NCAN: variants seen among roughly 807,000 people sequenced by gnomAD.
The protein encoded by NCAN is neurocan.
Under a neutral mutation model 121.8 loss-of-function variants are expected in NCAN, and 47 were observed. The observed-to-expected ratio is 0.39, with a 90% CI of 0.31 to 0.49. The LOEUF (loss-of-function observed/expected upper bound fraction) is 0.49. Ranked by LOEUF, NCAN falls within the 20% of genes least tolerant of loss-of-function variation. NCAN has a pLI of 0.92. For missense variants in NCAN, 1,517 were observed against 1,773.4 expected, an observed-to-expected ratio of 0.86 and a Z score of 2.60; for synonymous variants, 633 against 702.0, an observed-to-expected ratio of 0.90 and a Z score of 1.55.
chr19:19,211,976 G>T lies in NCAN; in HGVS notation c.-96G>T. On this transcript the variant is annotated 5_prime_UTR_variant, in exon 1 of 15. Coordinates refer to ENST00000252575, the MANE Select transcript of NCAN (RefSeq NM_004386.3). ...GGCCAGCGGAGCGCAGGGCGCAGGG[G>T]CTGGACCCGGCGCGGAGCTGGCTGA... is the stretch of plus-strand genomic sequence containing the variant. 5.1e-6 allele frequency: 1 copy of T among 195,902 alleles called. No homozygotes were observed. The highest frequency in any genetic ancestry group is 1.1e-5 in the Non-Finnish European group (1 of 90,078). The allele number at this position is 195,902 out of a possible 1,614,324, so 12.1% of individuals were successfully genotyped here.
At position 19,225,381 on chromosome 19, in the gene NCAN, A is replaced by G; in HGVS notation, c.1072+111A>G. On this transcript the variant is annotated intron_variant, in intron 6 of 14. Coordinates refer to ENST00000252575, the MANE Select transcript of NCAN (RefSeq NM_004386.3). The surrounding 1 kb of genome is among the most constrained non-coding windows in gnomAD (Gnocchi z 4.0). Reference sequence around the variant, plus strand: ...GAGACACATGGAAGCTCGCTTTGTGATAAGCCACATCCCTGGGTGAGGGCC... The same window carrying G: ...GAGACACATGGAAGCTCGCTTTGTGGTAAGCCACATCCCTGGGTGAGGGCC... The G allele has an allele frequency of 7.7e-7, 1 of 1,299,158 alleles. No homozygotes were observed. Among genetic ancestry groups the G allele is most frequent in the Non-Finnish European group, 1.0e-6 (1 of 994,884 alleles). 80.5% of individuals were successfully genotyped at this position (1,299,158 alleles called of 1,614,324 possible).
At chr19:19,231,229 T>C (rs2060858093) in intron 8 of NCAN, among the ~76,000 whole-genome samples, 1 of 151,934 alleles carries the variant, frequency 6.6e-6, no homozygotes, top group African/African-American at 2.4e-5. Flanking sequence ...ACTTTGCAGA[T>C]AGGGAGACAG....
chr19:19,227,932 T>G lies in NCAN; in HGVS notation c.2312T>G (p.Leu771Trp). Residue 771 changes from leucine (L) to tryptophan (W), a missense_variant, in exon 8 of 15, where the codon TTG becomes TGG. Coordinates refer to ENST00000252575, the MANE Select transcript of NCAN (RefSeq NM_004386.3). The surrounding 1 kb of genome is among the most constrained non-coding windows in gnomAD (Gnocchi z 4.2). The part of the protein sequence containing the change: ...FDTAESPTSG[L>W]QATVDEVQDP... ...ACAGCAGAAAGCCCCACTTCTGGCT[T>G]GCAGGCCACTGTAGATGAGGTGCAG... 1 of 1,613,516 alleles carries G rather than the reference T, an allele frequency of 6.2e-7. No individual in the cohort carries two copies. Among genetic ancestry groups the G allele is most frequent in the Non-Finnish European group, 8.5e-7 (1 of 1,180,004 alleles).
rs191074774 is a variant in NCAN, at chr19:19,215,285, C to T, written c.-7-1662C>T. Among the ~76,000 whole-genome samples, 11 of 152,284 alleles carry T rather than the reference C, an allele frequency of 7.2e-5. No individual in the cohort carries two copies. In the East Asian group the frequency reaches 2.1e-3, roughly 29 times the overall value. ...GATAATTTCTTATGGGGGCGGGGAG[C>T]AAGGATTGGGTTTGCAGATGATGTT... On this transcript the variant is annotated intron_variant, in intron 1 of 14. Coordinates refer to ENST00000252575, the MANE Select transcript of NCAN (RefSeq NM_004386.3).
At chr19:19,223,994 C>A (rs192275827) in intron 3 of NCAN, 27 bp from the exon 4 acceptor site, 1 of 1,496,520 alleles carries the variant, frequency 6.7e-7, no homozygotes, top group Non-Finnish European at 8.9e-7. Context: ...AGTCAACTGT[C>A]CCCCCATCCT....
intron 8 of NCAN, 46 bp from the exon 9 acceptor site, chr19:19,233,743 A>T: frequency 7.8e-7 from 1 of 1,276,156 alleles, no homozygotes; most frequent in Admixed American, 1.7e-5. Flanking sequence ...GGAAGGCAAA[A>T]GATCTGTGGC....
chr19:19,227,819 T>C lies in NCAN; in HGVS notation c.2199T>C (p.Asn733=). The stretch of plus-strand genomic sequence containing the variant: ...GCCCATGGCCTTCTGTAAACAGGAA[T>C]GTGGCTGTAGGTTTTGTCCCCACTG... ...SSSPWPSVNR[N]VAVGFVPTET... The change falls in exon 8 of 15, where the codon AAT becomes AAC. Residue 733 remains asparagine, a synonymous_variant. Transcript: ENST00000252575. This position sits in a 1 kb window ranked among gnomAD's most constrained non-coding sequence, Gnocchi z 4.2. 1 of 1,613,640 alleles carries C rather than the reference T, an allele frequency of 6.2e-7. No individual in the cohort carries two copies. Among genetic ancestry groups the C allele is most frequent in the Non-Finnish European group, 8.5e-7 (1 of 1,180,008 alleles).
intron 10 of NCAN, among the ~76,000 whole-genome samples, chr19:19,236,225 T>C (rs2060880650): frequency 6.6e-6 from 1 of 152,212 alleles, no homozygotes; most frequent in South Asian, 2.1e-4. Flanking sequence ...TTTCTGTCTC[T>C]GTGGATTTGC....
chr19:19,234,506 G>A (rs1368996297), intron 9 of NCAN, among the ~76,000 whole-genome samples: 1 of 152,170 alleles, frequency 6.6e-6, no homozygotes, highest in Admixed American at 6.5e-5. Context: ...AAAAAAGTAA[G>A]CTGAGTTTCA....
rs1466702855 is a variant in NCAN, at chr19:19,212,865, A to G, written c.-8+801A>G. ...CTCAGAGGGGGGGCTGTCCCCCAGC[A>G]CCTTCACAGCCTCCCACGTCCTTAC... On this transcript the variant is annotated intron_variant, in intron 1 of 14. Transcript: ENST00000252575. The surrounding 1 kb of genome is among the most constrained non-coding windows in gnomAD (Gnocchi z 4.5). 6.6e-6 allele frequency among the ~76,000 whole-genome samples: 1 copy of G among 152,104 alleles called. No homozygotes were observed. The highest frequency in any genetic ancestry group is 2.4e-5 in the African/African-American group (1 of 41,422).
chr19:19,235,167 C>T, intron 10 of NCAN, 71 bp downstream of exon 10: 1 of 924,566 alleles, frequency 1.1e-6, no homozygotes, highest in Admixed American at 1.9e-5. Context: ...GGCTTCCCCA[C>T]ATACTCCAGG....
In NCAN at chr19:19,227,746, G is replaced by GGGA. The variant is rs1422051012; in HGVS notation, c.2128_2130dup (p.Glu710dup). ...CCCAGGGCAGACTTCAGAGAAACTG[G>GGGA]GGAGACCAGCCCTGCTCAGGTCAAC... On this transcript the variant is annotated inframe_insertion, in exon 8 of 15. Coordinates refer to ENST00000252575, the MANE Select transcript of NCAN (RefSeq NM_004386.3). This position sits in a 1 kb window ranked among gnomAD's most constrained non-coding sequence, Gnocchi z 4.2. 1.2e-6 allele frequency: 2 copies of GGGA among 1,613,644 alleles called. No homozygotes were observed. Among genetic ancestry groups the GGGA allele is most frequent in the South Asian group, 2.2e-5 (2 of 91,080 alleles).
intron 8 of NCAN, among the ~76,000 whole-genome samples, chr19:19,232,536 C>T (rs1314941417): frequency 2.0e-5 from 3 of 152,206 alleles, no homozygotes; most frequent in Non-Finnish European, 4.4e-5. Context: ...CGCAGGAGGG[C>T]CAGCTGCTAC....
At chr19:19,238,212 C>G in intron 10 of NCAN, 41 bp from the exon 11 acceptor site, 1 of 1,612,554 alleles carries the variant, frequency 6.2e-7, no homozygotes. Flanking sequence ...AGGCCTTGGG[C>G]CAAGGCCAGC....
At position 19,227,087 on chromosome 19, in the gene NCAN, G is replaced by T; in HGVS notation, c.1660+14G>T. On this transcript the variant is annotated intron_variant, in intron 7 of 14. Coordinates refer to ENST00000252575, the MANE Select transcript of NCAN (RefSeq NM_004386.3). This position sits in a 1 kb window ranked among gnomAD's most constrained non-coding sequence, Gnocchi z 4.2. ...TGCCTGGAGCTGGTGAGTTGCTCTGGGGGAGGCGGGACCTACCTGGGGATC... is the reference window on the plus strand; with the variant it reads ...TGCCTGGAGCTGGTGAGTTGCTCTGTGGGAGGCGGGACCTACCTGGGGATC... 6.6e-7 allele frequency: 1 copy of T among 1,506,188 alleles called. No homozygotes were observed. Among genetic ancestry groups the T allele is most frequent in the East Asian group, 2.3e-5 (1 of 43,666 alleles). The allele number at this position is 1,506,188 out of a possible 1,614,324, so 93.3% of individuals were successfully genotyped here.
chr19:19,223,722 C>T (rs2060824898), intron 3 of NCAN, among the ~76,000 whole-genome samples: 1 of 152,188 alleles, frequency 6.6e-6, no homozygotes, highest in South Asian at 2.1e-4. Context: ...ATCTGCCCAC[C>T]TTGGCCTCCC....
In NCAN at chr19:19,249,988, G is replaced by A; in HGVS notation, c.*77G>A. 2.1e-6 allele frequency: 3 copies of A among 1,458,456 alleles called. No homozygotes were observed. The highest frequency in any genetic ancestry group is 2.5e-5 in the East Asian group (1 of 40,572). The allele number at this position is 1,458,456 out of a possible 1,614,324, so 90.3% of individuals were successfully genotyped here. ...TTCGCCTGGGGAGACAGAACCCAGA[G>A]AGAAACAAGAGAGTCCAGAAGTCCC... On this transcript the variant is annotated 3_prime_UTR_variant, in exon 15 of 15. Transcript: ENST00000252575.
At chr19:19,222,568 T>A (rs1303260473) in intron 3 of NCAN, among the ~76,000 whole-genome samples, 1 of 152,198 alleles carries the variant, frequency 6.6e-6, no homozygotes, top group South Asian at 2.1e-4. Flanking sequence ...CATGAGCTGC[T>A]ATGCCCGGAC....
intron 12 of NCAN, 65 bp from the exon 13 acceptor site, chr19:19,245,248 G>T (rs920166181): frequency 8.2e-6 from 13 of 1,584,460 alleles, no homozygotes; most frequent in Non-Finnish European, 1.1e-5. Context: ...CCCACAGCAG[G>T]AATTGCCAGA....
Sources: gnomAD v4.1 joint callset for allele counts (sites outside exome capture counted in the v4.1 genomes callset) on GRCh38, gnomAD v4.1.1 for gene constraint, Gnocchi (gnomAD v3.1) non-coding constraint, MANE v1.5 for transcripts, NCBI Gene and HGNC (gene_info 2026-07-23, HGNC 2026-07-21) for gene names.